KPNA1: variants seen among roughly 807,000 people sequenced by gnomAD.
KPNA1 encodes karyopherin subunit alpha 1.
A neutral mutation model predicts 70.5 loss-of-function variants in KPNA1; 10 were observed. The observed-to-expected ratio is 0.14, with a 90% CI of 0.09 to 0.24. The LOEUF (loss-of-function observed/expected upper bound fraction) is 0.24. KPNA1 is among the 10% of genes least tolerant of loss of function. The pLI, the probability that KPNA1 is intolerant of heterozygous loss-of-function variation, is 1.00. For missense variants in KPNA1, 397 were observed against 637.9 expected (o/e 0.62, Z 4.07); for synonymous variants, 192 against 221.9 (o/e 0.87, Z 1.20).
Position 122,437,267 on chromosome 3 carries a change from C to T in KPNA1, c.1025G>A (p.Ser342Asn). ...TGGGCTACTCAGCAAATGCAATAAA[C>T]TCTGCAGAGCTGAGCAATTCAGAAT... is the stretch of plus-strand genomic sequence containing the variant. ...QVILNCSALQ[S>N]LLHLLSSPKE... is the part of the protein sequence containing the mutation. The change falls in exon 11 of 14, where the codon AGT becomes AAT. Residue 342 changes from serine to asparagine, a missense_variant. Coordinates refer to ENST00000344337, the MANE Select transcript of KPNA1 (RefSeq NM_002264.4). 6.2e-7 allele frequency: 1 copy of T among 1,612,478 alleles called. No homozygotes were observed. The highest frequency in any genetic ancestry group is 8.5e-7 in the Non-Finnish European group (1 of 1,179,286).
intron 2 of KPNA1, among the ~76,000 whole-genome samples, chr3:122,495,267 A>AAAAAAAAAAAAG (rs1323280431): frequency 6.6e-6 from 1 of 151,220 alleles, no homozygotes; most frequent in Non-Finnish European, 1.5e-5. Flanking sequence ...CAAACCAAAA[A>AAAAAAAAAAAAG]AAAAAAAAGA....
chr3:122,502,160 A>C (rs1301458891), intron 1 of KPNA1, among the ~76,000 whole-genome samples: 1 of 152,220 alleles, frequency 6.6e-6, no homozygotes, highest in Non-Finnish European at 1.5e-5. Context: ...CAGAAGGCTC[A>C]CAGAGTGACT....
chr3:122,481,179 C>T (rs1003032102), intron 2 of KPNA1, among the ~76,000 whole-genome samples: 6 of 152,110 alleles, frequency 3.9e-5, no homozygotes, highest in Non-Finnish European at 7.4e-5. Flanking sequence ...CTTAGCATAC[C>T]GTATAGTACA....
chr3:122,442,265 A>G, intron 9 of KPNA1, 149 bp from the exon 10 acceptor site: 1 of 622,268 alleles, frequency 1.6e-6, no homozygotes, highest in South Asian at 2.0e-5. Context: ...GCTTATCATG[A>G]TGATGGAATG....
Position 122,476,716 on chromosome 3 carries a change from T to C in KPNA1, c.130-9287A>G, listed in dbSNP as rs149363138. Among the ~76,000 whole-genome samples the C allele has an allele frequency of 3.3e-3, 499 of 151,980 alleles. 3 individuals carry two copies. Among genetic ancestry groups the C allele is most frequent in the African/African-American group, 0.012 (479 of 41,484 alleles). On this transcript the variant is annotated intron_variant, in intron 2 of 13. Coordinates refer to ENST00000344337, the MANE Select transcript of KPNA1 (RefSeq NM_002264.4). ...TACAAATTGAAGCCATAATGAGGTA[T>C]TACCTCATACCTGTTAGAATGACAA...
rs368355018 is a variant in KPNA1, at chr3:122,470,284, G to A, written c.130-2855C>T. On this transcript the variant is annotated intron_variant, in intron 2 of 13. Coordinates refer to ENST00000344337, the MANE Select transcript of KPNA1 (RefSeq NM_002264.4). ...TCCCAGCCCTTTGGGAGGAGGCGGC[G>A]GGTGGATCATGAGGTCAGGAGATTG... 4.6e-5 allele frequency among the ~76,000 whole-genome samples: 7 copies of A among 152,042 alleles called. No individual in the cohort carries two copies. The East Asian group carries it at 5.8e-4, about 13-fold the overall frequency.
intron 2 of KPNA1, among the ~76,000 whole-genome samples, chr3:122,493,318 C>A (rs1237341438): frequency 1.3e-5 from 2 of 150,550 alleles, no homozygotes; most frequent in African/African-American, 4.9e-5. Flanking sequence ...TCCTTTTAGT[C>A]TCAGAAATAC....
chr3:122,475,415 G>A (rs1435120830), intron 2 of KPNA1, among the ~76,000 whole-genome samples: 2 of 152,160 alleles, frequency 1.3e-5, no homozygotes, highest in African/African-American at 4.8e-5. Flanking sequence ...GTATTAACAT[G>A]TTCATACTAA....
At chr3:122,479,406 G>C (rs535737249) in intron 2 of KPNA1, among the ~76,000 whole-genome samples, 2 of 152,228 alleles carry the variant, frequency 1.3e-5, no homozygotes, top group African/African-American at 4.8e-5. Flanking sequence ...ATTCATTGCC[G>C]GCAGAAAAGG....
At chr3:122,445,442 A>C (rs1444986979) in intron 9 of KPNA1, among the ~76,000 whole-genome samples, 1 of 152,242 alleles carries the variant, frequency 6.6e-6, no homozygotes, top group East Asian at 1.9e-4. Flanking sequence ...TGAAGGAGAA[A>C]TAAAATCCTT....
chr3:122,427,750 T>A (rs1210118882), intron 12 of KPNA1, 34 bp from the exon 13 acceptor site: 1 of 1,424,340 alleles, frequency 7.0e-7, no homozygotes, highest in Non-Finnish European at 9.4e-7. Context: ...CAAACAAAAC[T>A]TTTAATTTTG....
chr3:122,471,148 G>A (rs1019430928), intron 2 of KPNA1, among the ~76,000 whole-genome samples: 3 of 152,142 alleles, frequency 2.0e-5, no homozygotes, highest in Non-Finnish European at 4.4e-5. Flanking sequence ...TGCAGGTTCT[G>A]ACATAGAAGC....
intron 2 of KPNA1, among the ~76,000 whole-genome samples, chr3:122,480,425 G>A (rs1190665934): frequency 6.7e-6 from 1 of 149,692 alleles, no homozygotes; most frequent in Non-Finnish European, 1.5e-5. Context: ...GTTTTGAGGG[G>A]AACCAAAAAC....
At chr3:122,494,568 A>T (rs895611804) in intron 2 of KPNA1, among the ~76,000 whole-genome samples, 1 of 152,150 alleles carries the variant, frequency 6.6e-6, no homozygotes, top group Non-Finnish European at 1.5e-5. Context: ...AGGTAATGTG[A>T]TACCTCCAGC....
intron 9 of KPNA1, among the ~76,000 whole-genome samples, chr3:122,444,091 A>G (rs55717030): frequency 1.3e-5 from 2 of 152,164 alleles, no homozygotes; most frequent in African/African-American, 2.4e-5. Flanking sequence ...CTGGGAATGC[A>G]TTCTTTTCCC....
intron 1 of KPNA1, among the ~76,000 whole-genome samples, chr3:122,514,183 G>T: frequency 6.6e-6 from 1 of 151,912 alleles, no homozygotes; most frequent in East Asian, 1.9e-4. Flanking sequence ...ATGTTGTTAT[G>T]ACATCGGTAA....
chr3:122,456,791 T>A (rs1354215021), intron 5 of KPNA1, among the ~76,000 whole-genome samples: 1 of 152,202 alleles, frequency 6.6e-6, no homozygotes, highest in Non-Finnish European at 1.5e-5. Flanking sequence ...AATTCAGGAA[T>A]GAAAATCAAA....
At chr3:122,453,287 G>C (rs945524590) in intron 6 of KPNA1, among the ~76,000 whole-genome samples, 5 of 152,132 alleles carry the variant, frequency 3.3e-5, no homozygotes. Context: ...ACCTCTATCA[G>C]TAACTGCTTA....
chr3:122,451,674 AGT>A, intron 7 of KPNA1, 41 bp from the exon 8 acceptor site: 1 of 1,259,768 alleles, frequency 7.9e-7, no homozygotes, highest in South Asian at 1.2e-5. Flanking sequence ...TGTAACAGAC[AGT>A]GATTATCTGA....
Sources: gnomAD v4.1 joint callset for allele counts (sites outside exome capture counted in the v4.1 genomes callset) on GRCh38, gnomAD v4.1.1 for gene constraint, MANE v1.5 for transcripts, NCBI Gene and HGNC (gene_info 2026-07-23, HGNC 2026-07-21) for gene names.